ATRIP: variants seen among roughly 807,000 people sequenced by gnomAD.
ATRIP encodes the protein ATR-interacting protein.
A neutral mutation model predicts 78.1 loss-of-function variants in ATRIP; 44 were observed. That is an observed-to-expected ratio of 0.56 (90% CI 0.44 to 0.72). The LOEUF (loss-of-function observed/expected upper bound fraction) is 0.72, where lower values mean the gene tolerates loss of function less well. Among genes scored for constraint, ATRIP ranks in the 30% least tolerant of loss-of-function variants. The probability of loss-of-function intolerance (pLI) is 0.00; values close to 1 mark genes in which losing one functional copy is unlikely to be tolerated. For synonymous variants in ATRIP, 388 were observed against 408.9 expected (o/e 0.95, Z 0.62); for missense variants, 927 against 980.2 (o/e 0.95, Z 0.72).
intron 3 of ATRIP, among the ~76,000 whole-genome samples, chr3:48,452,249 C>T (rs538699018): frequency 6.6e-6 from 1 of 152,288 alleles, no homozygotes; most frequent in East Asian, 1.9e-4. Context: ...CTGGGAAGAA[C>T]CGGGGTATGC....
At chr3:48,457,173 TAA>T (rs2039974549) in intron 4 of ATRIP, 84 bp from the exon 5 acceptor site, 7 of 1,313,530 alleles carry the variant, frequency 5.3e-6, no homozygotes, top group Non-Finnish European at 6.0e-6. Flanking sequence ...ATGAAAAGTT[TAA>T]AGTTTGTTAG....
chr3:48,466,275 C>A lies in ATRIP; in HGVS notation c.*721C>A. 1 of 647,246 alleles carries A rather than the reference C, an allele frequency of 1.5e-6. No individual in the cohort carries two copies. The highest frequency in any genetic ancestry group is 2.8e-6 in the Non-Finnish European group (1 of 363,300). The allele number at this position is 647,246 out of a possible 1,614,324, so 40.1% of individuals were successfully genotyped here. On this transcript the variant is annotated 3_prime_UTR_variant, in exon 13 of 13. Transcript: ENST00000320211. ...GCGAGAGCCGCGGGAGAGTGTGCAG[C>A]CGAGTCACTACTGCCTGCCTGCCTG...
chr3:48,464,445 C>A, intron 10 of ATRIP, 137 bp from the exon 11 acceptor site: 1 of 1,024,068 alleles, frequency 9.8e-7, no homozygotes, highest in South Asian at 1.4e-5. Flanking sequence ...CTGGGAAGGT[C>A]CCACACCACT....
In ATRIP at chr3:48,466,417, G is replaced by A; in HGVS notation, c.*863G>A. 2 of 1,595,578 alleles carry A rather than the reference G, an allele frequency of 1.3e-6. No homozygotes were observed. Among genetic ancestry groups the A allele is most frequent in the Admixed American group, 1.7e-5 (1 of 59,904 alleles). On this transcript the variant is annotated 3_prime_UTR_variant, in exon 13 of 13. Coordinates refer to ENST00000320211, the MANE Select transcript of ATRIP (RefSeq NM_130384.3). ...AGGGGCCGAGTCATGTGAAGAGGGA[G>A]ACCCTCTCAGACAGTCGAATGTGCT...
chr3:48,451,137 C>A (rs1379261001), intron 2 of ATRIP, among the ~76,000 whole-genome samples: 1 of 151,434 alleles, frequency 6.6e-6, no homozygotes, highest in East Asian at 2.0e-4. Flanking sequence ...TGCAGTGAGC[C>A]GAGATCGTGC....
chr3:48,448,996 TACTG>T (rs2039758934), intron 1 of ATRIP, among the ~76,000 whole-genome samples: 1 of 152,272 alleles, frequency 6.6e-6, no homozygotes, highest in Non-Finnish European at 1.5e-5. Flanking sequence ...CAGTAACTAT[TACTG>T]AATAATAAGT....
At position 48,457,372 on chromosome 3, in the gene ATRIP, C is replaced by T; in HGVS notation, c.785C>T (p.Pro262Leu). The T allele has an allele frequency of 6.3e-7, 1 of 1,598,568 alleles. No homozygotes were observed. Among genetic ancestry groups the T allele is most frequent in the African/African-American group, 1.4e-5 (1 of 74,054 alleles). The part of the protein sequence containing the change: ...SFSANMSLPH[P>L]CQTESGYKPL... ...AGTGCTAACATGTCCCTTCCCCACC[C>T]CTGCCAGACGGAGTCAGGATACAAG... The change falls in exon 5 of 13, where the codon CCC becomes CTC. Residue 262 changes from proline to leucine, a missense_variant. Pro to Leu is a moderately conservative substitution (Grantham distance 98, BLOSUM62 -3). Coordinates refer to ENST00000320211, the MANE Select transcript of ATRIP (RefSeq NM_130384.3).
intron 1 of ATRIP, among the ~76,000 whole-genome samples, chr3:48,447,928 G>A (rs1036067610): frequency 6.6e-6 from 1 of 152,160 alleles, no homozygotes; most frequent in Non-Finnish European, 1.5e-5. Context: ...AATTTATTTG[G>A]AAAGCATGTC....
In ATRIP at chr3:48,464,823, T is replaced by G. The variant is rs3135937; in HGVS notation, c.2056-8T>G. The G allele has an allele frequency of 6.2e-7, 1 of 1,603,636 alleles. No individual in the cohort carries two copies. Among genetic ancestry groups the G allele is most frequent in the Non-Finnish European group, 8.5e-7 (1 of 1,172,224 alleles). On this transcript the variant is annotated splice_region_variant and splice_polypyrimidine_tract_variant and intron_variant, in intron 11 of 12. Coordinates refer to ENST00000320211, the MANE Select transcript of ATRIP (RefSeq NM_130384.3). ...ACCAGGCCTCAGTCTGCACCCCCCC[T>G]CTCTCAGGTGGTCAGAGCGCTCACG...
At position 48,460,226 on chromosome 3, in the gene ATRIP, G is replaced by A. The variant is rs142899473; in HGVS notation, c.1172G>A (p.Arg391Gln). The stretch of plus-strand genomic sequence containing the variant: ...TTCACTGGACTGAATCTGGTTGCCC[G>A]GAATGAGTGCTCACGTGATGGAGAC... ...LAFTGLNLVA[R>Q]NECSRDGDPA... The change falls in exon 8 of 13, where the codon CGG (arginine) becomes CAG (glutamine). Residue 391 changes from arginine (R) to glutamine (Q), a missense_variant. Arg to Gln is a conservative substitution (Grantham distance 43). Coordinates refer to ENST00000320211, the MANE Select transcript of ATRIP (RefSeq NM_130384.3). 866 of 1,614,152 alleles carry A rather than the reference G, an allele frequency of 5.4e-4. 5 individuals are homozygous for A. Among genetic ancestry groups the A allele is most frequent in the South Asian group, 4.3e-3 (389 of 91,086 alleles).
chr3:48,457,057 A>C (rs1376674376), intron 4 of ATRIP, among the ~76,000 whole-genome samples: 1 of 152,206 alleles, frequency 6.6e-6, no homozygotes, highest in Non-Finnish European at 1.5e-5. Flanking sequence ...TTAAAATTTT[A>C]AAATATTTTT....
chr3:48,465,566 T>C lies in ATRIP; in HGVS notation c.*12T>C, dbSNP rs752225103. ...TGGAGTGTGGCTGAGGCCCTGAGTG[T>C]CCAGCCACATGGTGGCACCAGCACC... On this transcript the variant is annotated 3_prime_UTR_variant, in exon 13 of 13. Coordinates refer to ENST00000320211, the MANE Select transcript of ATRIP (RefSeq NM_130384.3). 3 of 1,607,544 alleles carry C rather than the reference T, an allele frequency of 1.9e-6. No homozygotes were observed. Among genetic ancestry groups the C allele is most frequent in the African/African-American group, 2.7e-5 (2 of 74,764 alleles).
chr3:48,464,473 GCAGA>G (rs749209799), intron 10 of ATRIP, 105 bp from the exon 11 acceptor site: 19 of 1,238,870 alleles, frequency 1.5e-5, no homozygotes, highest in Middle Eastern at 1.9e-4. Context: ...CCCCATTTGT[GCAGA>G]CAAACAGTTG....
At position 48,466,677 on chromosome 3, in the gene ATRIP, C is replaced by G. The variant is rs754382930; in HGVS notation, c.*1123C>G. Reference sequence around the variant, plus strand: ...AACCATGGGCTCGCAGGCCCTGCCCCCGGGGCCCATGCAGACCCTCATCTT... The same window carrying G: ...AACCATGGGCTCGCAGGCCCTGCCCGCGGGGCCCATGCAGACCCTCATCTT... On this transcript the variant is annotated 3_prime_UTR_variant, in exon 13 of 13. Transcript: ENST00000320211. 1.2e-5 allele frequency: 19 copies of G among 1,613,994 alleles called. No individual in the cohort carries two copies. The highest frequency in any genetic ancestry group is 1.5e-5 in the Non-Finnish European group (18 of 1,180,022).
At chr3:48,456,448 T>G (rs957687158) in intron 4 of ATRIP, among the ~76,000 whole-genome samples, 35 of 151,778 alleles carry the variant, frequency 2.3e-4, no homozygotes, top group African/African-American at 8.0e-4. Flanking sequence ...AATAAAAAGT[T>G]AGCCAGATGT....
At position 48,462,165 on chromosome 3, in the gene ATRIP, C is replaced by T. The variant is rs565124915; in HGVS notation, c.1745+1366C>T. Among the ~76,000 whole-genome samples, 3 of 151,738 alleles carry T rather than the reference C, an allele frequency of 2.0e-5. No individual in the cohort carries two copies. The East Asian group carries it at 5.9e-4, about 30-fold the overall frequency. ...CAACAAAGCAAGACTCCCAGCTCTA[C>T]AATTTTTTTTTTTTTAATTAGCCAG... On this transcript the variant is annotated intron_variant, in intron 8 of 12. Coordinates refer to ENST00000320211, the MANE Select transcript of ATRIP (RefSeq NM_130384.3).
At position 48,457,370 on chromosome 3, in the gene ATRIP, C is replaced by T; in HGVS notation, c.783C>T (p.His261=). The change falls in exon 5 of 13, where the codon CAC becomes CAT. Residue 261 remains histidine, a synonymous_variant. Transcript: ENST00000320211. ...ESFSANMSLP[H]PCQTESGYKP... ...TTAGTGCTAACATGTCCCTTCCCCA[C>T]CCCTGCCAGACGGAGTCAGGATACA... 6.3e-7 allele frequency: 1 copy of T among 1,599,990 alleles called. No individual in the cohort carries two copies.
chr3:48,446,777 C>A lies in ATRIP; in HGVS notation c.-69C>A. On this transcript the variant is annotated 5_prime_UTR_variant, in exon 1 of 13. Coordinates refer to ENST00000320211, the MANE Select transcript of ATRIP (RefSeq NM_130384.3). ...AAGCGGCGGCGCGCGGACGGTTGGTCCAGTTCTCCGGCCTGGCGGCAGGCA... is the reference window on the plus strand; with the variant it reads ...AAGCGGCGGCGCGCGGACGGTTGGTACAGTTCTCCGGCCTGGCGGCAGGCA... The A allele has an allele frequency of 7.4e-7, 1 of 1,349,112 alleles. No individual in the cohort carries two copies. The highest frequency in any genetic ancestry group is 9.5e-7 in the Non-Finnish European group (1 of 1,049,082). 83.6% of individuals were successfully genotyped at this position (1,349,112 alleles called of 1,614,324 possible).
At chr3:48,458,277 A>G (rs2040007411) in intron 5 of ATRIP, among the ~76,000 whole-genome samples, 1 of 149,304 alleles carries the variant, frequency 6.7e-6, no homozygotes, top group Admixed American at 6.7e-5. Flanking sequence ...TCAATTGACC[A>G]TGCCAAAAAC....
Sources: allele counts gnomAD v4.1 joint callset (sites outside exome capture counted in the v4.1 genomes callset), GRCh38; gene constraint gnomAD v4.1.1; transcripts MANE v1.5; gene names NCBI Gene and HGNC (gene_info 2026-07-23, HGNC 2026-07-21).